Variants in FAM78A observed in about 807,000 individuals in gnomAD.
FAM78A encodes the protein protein FAM78A.
FAM78A carries 12 observed loss-of-function variants against 22.6 expected under a neutral mutation model. The ratio of observed to expected loss-of-function variants is 0.53; its 90% CI spans 0.34 to 0.86. The LOEUF (loss-of-function observed/expected upper bound fraction) is 0.86. Among genes scored for constraint, FAM78A ranks in the 40% least tolerant of loss-of-function variants. The pLI is 0.02. For missense variants in FAM78A, 322 were observed against 396.1 expected (o/e 0.81, Z 1.59); for synonymous variants, 151 against 155.8 (o/e 0.97, Z 0.23).
Position 131,260,910 on chromosome 9 carries a change from A to G in FAM78A, c.764T>C (p.Val255Ala). The G allele has an allele frequency of 6.3e-7, 1 of 1,584,224 alleles. No individual in the cohort carries two copies. Among genetic ancestry groups the G allele is most frequent in the Non-Finnish European group, 8.6e-7 (1 of 1,161,978 alleles). The change falls in exon 2 of 2, where the codon GTC becomes GCC. Residue 255 changes from valine to alanine, a missense_variant. Physicochemically the swap from Val to Ala is moderately conservative, Grantham distance 64. Transcript: ENST00000372271. This position sits in a 1 kb window ranked among gnomAD's most constrained non-coding sequence, Gnocchi z 5.4. ...CTGGGCATCGTTGGCATTGGGCTTG[A>G]CCAGGGCGCTGGGCGGGATGGGCTC... is the stretch of plus-strand genomic sequence containing the variant. ...KNEPIPPSAL[V>A]KPNANDAQVL...
In FAM78A at chr9:131,272,068, T is replaced by C. The variant is rs1436527617; in HGVS notation, c.323+3789A>G. Among the ~76,000 whole-genome samples the C allele has an allele frequency of 2.6e-5, 4 of 152,140 alleles. No homozygotes were observed. The highest frequency in any genetic ancestry group is 5.9e-5 in the Non-Finnish European group (4 of 68,006). ...CATTTCAAATATTTCAAACCCAGAATGTCATTCTAAAAAGTTATCCTCTTG... is the reference window on the plus strand; with the variant it reads ...CATTTCAAATATTTCAAACCCAGAACGTCATTCTAAAAAGTTATCCTCTTG... On this transcript the variant is annotated intron_variant, in intron 1 of 1. Coordinates refer to ENST00000372271, the MANE Select transcript of FAM78A (RefSeq NM_033387.4). This position sits in a 1 kb window ranked among gnomAD's most constrained non-coding sequence, Gnocchi z 4.1.
intron 1 of FAM78A, chr9:131,270,661 C>A: frequency 3.2e-6 from 2 of 617,076 alleles, no homozygotes; most frequent in Admixed American, 2.4e-5. Context: ...ATGGGGGAGG[C>A]CGCCTTCCGG....
At chr9:131,266,092 G>A (rs1406712366) in intron 1 of FAM78A, among the ~76,000 whole-genome samples, 6 of 152,088 alleles carry the variant, frequency 3.9e-5, no homozygotes, top group East Asian at 3.9e-4. Context: ...GGGACACAGC[G>A]CCATCCTGGA....
rs1279448405 is a variant in FAM78A at position 131,274,815 on chromosome 9, T to C, written c.323+1042A>G. Among the ~76,000 whole-genome samples the C allele has an allele frequency of 6.6e-6, 1 of 151,546 alleles. No homozygotes were observed. Among genetic ancestry groups the C allele is most frequent in the Non-Finnish European group, 1.5e-5 (1 of 67,670 alleles). Reference sequence around the variant, plus strand: ...GCACAGGGTAGACACTGAGAGAGGCTCTGGGAGTGTCAGCGGCCAGTCACG... The same window carrying C: ...GCACAGGGTAGACACTGAGAGAGGCCCTGGGAGTGTCAGCGGCCAGTCACG... On this transcript the variant is annotated intron_variant, in intron 1 of 1. Coordinates refer to ENST00000372271, the MANE Select transcript of FAM78A (RefSeq NM_033387.4). The surrounding 1 kb of genome is among the most constrained non-coding windows in gnomAD (Gnocchi z 4.2).
rs964914940 is a variant in FAM78A, at chr9:131,265,735, G to A, written c.324-4385C>T. 1.3e-5 allele frequency among the ~76,000 whole-genome samples: 2 copies of A among 152,094 alleles called. No individual in the cohort carries two copies. The highest frequency in any genetic ancestry group is 2.9e-5 in the Non-Finnish European group (2 of 68,014). ...CTGAGACGGCAGAGCCTTGAACCAC[G>A]CTCAGGGCCCTTCTGAGTGCAGGCC... On this transcript the variant is annotated intron_variant, in intron 1 of 1. Coordinates refer to ENST00000372271, the MANE Select transcript of FAM78A (RefSeq NM_033387.4). The surrounding 1 kb of genome is among the most constrained non-coding windows in gnomAD (Gnocchi z 4.3).
At position 131,276,017 on chromosome 9, in the gene FAM78A, C is replaced by G; in HGVS notation, c.163G>C (p.Asp55His). The G allele has an allele frequency of 6.2e-7, 1 of 1,613,734 alleles. No homozygotes were observed. Among genetic ancestry groups the G allele is most frequent in the Non-Finnish European group, 8.5e-7 (1 of 1,180,036 alleles). ...CGGAGCACCACGCTGGAGGACTCATCGATGCTAGTGGGGACGGGGTCGATG... is the reference window on the plus strand; with the variant it reads ...CGGAGCACCACGCTGGAGGACTCATGGATGCTAGTGGGGACGGGGTCGATG... ...ASIDPVPTSI[D>H]ESSSVVLRYR... Residue 55 changes from aspartate (D) to histidine (H), a missense_variant, in exon 1 of 2, where the codon GAT (aspartate) becomes CAT (histidine). Physicochemically the swap from Asp to His is moderately conservative, Grantham distance 81. Transcript: ENST00000372271. The surrounding 1 kb of genome is among the most constrained non-coding windows in gnomAD (Gnocchi z 4.3).
chr9:131,261,916 G>A lies in FAM78A; in HGVS notation c.324-566C>T, dbSNP rs1353256705. On this transcript the variant is annotated intron_variant, in intron 1 of 1. Coordinates refer to ENST00000372271, the MANE Select transcript of FAM78A (RefSeq NM_033387.4). This position sits in a 1 kb window ranked among gnomAD's most constrained non-coding sequence, Gnocchi z 7.1. ...CTACGTGCACAGCGGGTACTCCCAG[G>A]AACAAGCTACTGTTAAAAATGCACT... 6.6e-6 allele frequency among the ~76,000 whole-genome samples: 1 copy of A among 152,126 alleles called. No individual in the cohort carries two copies. The highest frequency in any genetic ancestry group is 2.4e-5 in the African/African-American group (1 of 41,418).
intron 1 of FAM78A, among the ~76,000 whole-genome samples, chr9:131,269,922 C>A (rs1198524293): frequency 6.6e-6 from 1 of 151,434 alleles, no homozygotes; most frequent in Non-Finnish European, 1.5e-5. Flanking sequence ...AGGCCGGGCA[C>A]AGTGGCTCAC....
At position 131,274,098 on chromosome 9, in the gene FAM78A, A is replaced by T. The variant is rs529525581; in HGVS notation, c.323+1759T>A. 2.2e-4 allele frequency among the ~76,000 whole-genome samples: 33 copies of T among 152,384 alleles called. 1 individual carries two copies. In the South Asian group the frequency reaches 6.6e-3, roughly 31 times the overall value. ...ACTCAGGGTCACCAGATGGAGAACAAGTCTTAGACAAGACATCGGAAGCCC... is the reference window on the plus strand; with the variant it reads ...ACTCAGGGTCACCAGATGGAGAACATGTCTTAGACAAGACATCGGAAGCCC... On this transcript the variant is annotated intron_variant, in intron 1 of 1. Transcript: ENST00000372271. The surrounding 1 kb of genome is among the most constrained non-coding windows in gnomAD (Gnocchi z 4.2).
chr9:131,278,288 C>CAGTG (rs1178628600), upstream of FAM78A, among the ~76,000 whole-genome samples: 1 of 152,192 alleles, frequency 6.6e-6, no homozygotes, highest in African/African-American at 2.4e-5. Context: ...GGGCTGCTCC[C>CAGTG]AGTGCCCTTT....
chr9:131,262,476 CAAA>C (rs113855141), intron 1 of FAM78A, among the ~76,000 whole-genome samples: 10 of 105,678 alleles, frequency 9.5e-5, no homozygotes, highest in Admixed American at 2.1e-4. Flanking sequence ...ACTCTGTCTG[CAAA>C]AAAAAAAAAA....
intron 1 of FAM78A, among the ~76,000 whole-genome samples, chr9:131,267,303 G>A (rs1835357367): frequency 6.6e-6 from 1 of 152,150 alleles, no homozygotes; most frequent in South Asian, 2.1e-4. Context: ...GAGGTGAGGG[G>A]GCATCGCTTG....
At chr9:131,270,450 G>C (rs1835403601) in intron 1 of FAM78A, 1 of 717,220 alleles carries the variant, frequency 1.4e-6, no homozygotes, top group Admixed American at 2.0e-5. Context: ...GCTGTTGAGT[G>C]ACGCCTCACT....
chr9:131,269,282 C>T (rs759510377), intron 1 of FAM78A, among the ~76,000 whole-genome samples: 14 of 152,110 alleles, frequency 9.2e-5, no homozygotes, highest in Non-Finnish European at 1.3e-4. Context: ...TGGGTTACTA[C>T]CCTACATATT....
At position 131,274,741 on chromosome 9, in the gene FAM78A, T is replaced by C. The variant is rs1159372430; in HGVS notation, c.323+1116A>G. ...TAAATCTGTGATAAGTTCCAGCTCC[T>C]GGGGAAATTCTCCTCTTTTCCCCAC... On this transcript the variant is annotated intron_variant, in intron 1 of 1. Transcript: ENST00000372271. The surrounding 1 kb of genome is among the most constrained non-coding windows in gnomAD (Gnocchi z 4.2). Among the ~76,000 whole-genome samples the C allele has an allele frequency of 6.6e-6, 1 of 152,242 alleles. No homozygotes were observed. Among genetic ancestry groups the C allele is most frequent in the Non-Finnish European group, 1.5e-5 (1 of 68,046 alleles).
rs915740371 is a variant in FAM78A at position 131,261,501 on chromosome 9, C to T, written c.324-151G>A. On this transcript the variant is annotated intron_variant, in intron 1 of 1. Transcript: ENST00000372271. The surrounding 1 kb of genome is among the most constrained non-coding windows in gnomAD (Gnocchi z 7.1). ...CTTTGACGTTCTGGGGGCAGGGGGT[C>T]AGACAGTAGCTCGGAGTCACTGTCA... 9 of 649,570 alleles carry T rather than the reference C, an allele frequency of 1.4e-5. No homozygotes were observed. In the South Asian group the frequency reaches 1.9e-4, roughly 13 times the overall value. The allele number at this position is 649,570 out of a possible 1,614,324, so 40.2% of individuals were successfully genotyped here. A position where few individuals can be genotyped will look rare whatever the true frequency, so the allele number is the denominator to read the frequency against.
At position 131,260,968 on chromosome 9, in the gene FAM78A, C is replaced by T. The variant is rs371500291; in HGVS notation, c.706G>A (p.Ala236Thr). ...GQRARLREPI[A>T]QDQPKILSKN... ...CTCAGGATTTTGGGCTGGTCCTGGG[C>T]GATGGGCTCCCGCAGCCGGGCGCGC... Residue 236 changes from alanine to threonine, a missense_variant, in exon 2 of 2, where the codon GCC becomes ACC. Physicochemically the swap from Ala to Thr is moderately conservative, Grantham distance 58. Transcript: ENST00000372271. The surrounding 1 kb of genome is among the most constrained non-coding windows in gnomAD (Gnocchi z 5.4). 120 of 1,612,616 alleles carry T rather than the reference C, an allele frequency of 7.4e-5. No homozygotes were observed. Among genetic ancestry groups the T allele is most frequent in the Non-Finnish European group, 9.1e-5 (107 of 1,179,324 alleles).
upstream of FAM78A, among the ~76,000 whole-genome samples, chr9:131,277,026 G>A (rs1186483528): frequency 6.7e-6 from 1 of 150,202 alleles, no homozygotes; most frequent in Admixed American, 6.6e-5. The surrounding 1 kb of genome is among the most constrained non-coding windows in gnomAD (Gnocchi z 8.4). Context: ...CGCGGGGGCG[G>A]CGACGCGTGT....
At chr9:131,264,592 G>A (rs1304037164) in intron 1 of FAM78A, 2 of 717,220 alleles carry the variant, frequency 2.8e-6, no homozygotes, top group Admixed American at 2.0e-5. Flanking sequence ...ACTGCCTGGT[G>A]CAGCCAACAG....
Sources: gnomAD v4.1 joint callset for allele counts (sites outside exome capture counted in the v4.1 genomes callset) on GRCh38, gnomAD v4.1.1 for gene constraint, Gnocchi (gnomAD v3.1) non-coding constraint, MANE v1.5 for transcripts, NCBI Gene and HGNC (gene_info 2026-07-23, HGNC 2026-07-21) for gene names.